Variants in CYFIP2 observed in about 807,000 individuals in gnomAD.
CYFIP2 encodes the protein cytoplasmic FMR1-interacting protein 2.
A neutral mutation model predicts 158.7 loss-of-function variants in CYFIP2; 29 were observed. The ratio of observed to expected loss-of-function variants is 0.18; its 90% CI spans 0.14 to 0.25. The LOEUF is 0.25. Ranked by LOEUF, CYFIP2 falls within the 10% of genes least tolerant of loss-of-function variation. The pLI is 1.00. For synonymous variants in CYFIP2, 585 were observed against 617.6 expected (o/e 0.95, Z 0.78); for missense variants, 852 against 1,639.5 (o/e 0.52, Z 8.29).
Position 157,390,885 on chromosome 5 carries a change from AG to A in CYFIP2, c.3594+220del, listed in dbSNP as rs1324814501. On this transcript the variant is annotated intron_variant, in intron 30 of 30. Coordinates refer to ENST00000620254, the MANE Select transcript of CYFIP2 (RefSeq NM_001037333.3). ...CATGAATCAGTTCACCCCGAAGGGCAGGGCTGGGCTCCAGACCGGGAGCACA... is the reference window on the plus strand; with the variant it reads ...CATGAATCAGTTCACCCCGAAGGGCAGGCTGGGCTCCAGACCGGGAGCACA... Among the ~76,000 whole-genome samples, 7 of 152,292 alleles carry A rather than the reference AG, an allele frequency of 4.6e-5. No homozygotes were observed. In the East Asian group the frequency reaches 1.4e-3, roughly 29 times the overall value.
intron 3 of CYFIP2, among the ~76,000 whole-genome samples, chr5:157,292,798 G>A (rs1413887076): frequency 1.3e-5 from 2 of 148,684 alleles, no homozygotes; most frequent in Admixed American, 7.0e-5. Flanking sequence ...TAACTCTGTG[G>A]TTAACGTGTT....
chr5:157,306,427 C>A (rs2113907163), intron 8 of CYFIP2, among the ~76,000 whole-genome samples: 1 of 152,300 alleles, frequency 6.6e-6, no homozygotes, highest in Non-Finnish European at 1.5e-5. Context: ...TTCTCCAGCC[C>A]CCCATACCCG....
chr5:157,289,024 T>A (rs886103176), intron 3 of CYFIP2, among the ~76,000 whole-genome samples: 1 of 152,218 alleles, frequency 6.6e-6, no homozygotes, highest in African/African-American at 2.4e-5. Flanking sequence ...TGGAGCTTTA[T>A]AACAGCCCTG....
chr5:157,325,897 A>G, intron 17 of CYFIP2: 1 of 539,954 alleles, frequency 1.9e-6, no homozygotes. Flanking sequence ...TCATCTCAGG[A>G]GCAGGTAGCT....
In CYFIP2 at chr5:157,393,050, G is replaced by C; in HGVS notation, c.*50G>C. 6.3e-7 allele frequency: 1 copy of C among 1,595,570 alleles called. No individual in the cohort carries two copies. ...CTGGAGGAGGAAGAGAAGCAGGAGA[G>C]AGAAAGCCACAGCCAGCCTGCCATA... On this transcript the variant is annotated 3_prime_UTR_variant, in exon 31 of 31. Coordinates refer to ENST00000620254, the MANE Select transcript of CYFIP2 (RefSeq NM_001037333.3).
chr5:157,293,853 G>A (rs532329320), intron 3 of CYFIP2, among the ~76,000 whole-genome samples: 5 of 152,078 alleles, frequency 3.3e-5, no homozygotes, highest in Non-Finnish European at 7.4e-5. Context: ...AGGATAGTTT[G>A]GTGGGCATGG....
At chr5:157,322,541 G>C (rs1044100150) in intron 15 of CYFIP2, among the ~76,000 whole-genome samples, 1 of 152,230 alleles carries the variant, frequency 6.6e-6, no homozygotes, top group Non-Finnish European at 1.5e-5. Flanking sequence ...AGGCCGTCAT[G>C]AGAAGAGTGC....
intron 23 of CYFIP2, chr5:157,341,784 G>A (rs1381387819): frequency 6.4e-6 from 1 of 155,190 alleles, no homozygotes; most frequent in Non-Finnish European, 1.4e-5. Flanking sequence ...GGGATTTTGT[G>A]CTCTATAGAT....
chr5:157,367,859 A>G (rs764892762), intron 26 of CYFIP2, among the ~76,000 whole-genome samples: 1 of 151,214 alleles, frequency 6.6e-6, no homozygotes, highest in Non-Finnish European at 1.5e-5. Context: ...GGTTCAAGCA[A>G]TTCTCCTGCC....
chr5:157,381,313 T>C (rs1000000193), intron 26 of CYFIP2, among the ~76,000 whole-genome samples: 4 of 151,750 alleles, frequency 2.6e-5, no homozygotes, highest in Non-Finnish European at 5.9e-5. Context: ...CATATCATTA[T>C]TGTACATGTT....
intron 29 of CYFIP2, among the ~76,000 whole-genome samples, chr5:157,389,929 C>T (rs1767102229): frequency 6.6e-6 from 1 of 152,180 alleles, no homozygotes; most frequent in South Asian, 2.1e-4. Flanking sequence ...TGCTTGAGGA[C>T]AAAAGAGACA....
chr5:157,355,318 G>A (rs1033879067), intron 23 of CYFIP2, among the ~76,000 whole-genome samples: 2 of 152,040 alleles, frequency 1.3e-5, no homozygotes, highest in Non-Finnish European at 2.9e-5. Context: ...GGGGAAATTC[G>A]ACCAGAAAGC....
At chr5:157,389,121 C>A in intron 28 of CYFIP2, 68 bp from the exon 29 acceptor site, 1 of 1,456,162 alleles carries the variant, frequency 6.9e-7, no homozygotes, top group Non-Finnish European at 9.3e-7. Flanking sequence ...GTTCGGGAAT[C>A]TGTGGTGGGA....
chr5:157,309,895 C>T (rs901140733), intron 10 of CYFIP2, 61 bp downstream of exon 10: 31 of 1,469,784 alleles, frequency 2.1e-5, no homozygotes, highest in East Asian at 1.7e-4. Context: ...GGCAGAGAGC[C>T]GAGGGGCCAC....
At chr5:157,324,470 T>C (rs1246533353) in intron 16 of CYFIP2, among the ~76,000 whole-genome samples, 2 of 152,264 alleles carry the variant, frequency 1.3e-5, no homozygotes, top group Non-Finnish European at 2.9e-5. Context: ...AGTCCTGTGT[T>C]CTTCACACTT....
Position 157,333,463 on chromosome 5 carries a change from G to T in CYFIP2, c.2385+17G>T. The T allele has an allele frequency of 1.2e-6, 2 of 1,613,880 alleles. No individual in the cohort carries two copies. The highest frequency in any genetic ancestry group is 1.7e-6 in the Non-Finnish European group (2 of 1,179,826). ...TCCATTGTGGTAAGAGTCTGGGAGC[G>T]TGTGGGATTTCTGCTCTGTGATTTC... On this transcript the variant is annotated intron_variant, in intron 21 of 30. Coordinates refer to ENST00000620254, the MANE Select transcript of CYFIP2 (RefSeq NM_001037333.3).
At chr5:157,352,381 C>T (rs1282838421) in intron 23 of CYFIP2, among the ~76,000 whole-genome samples, 1 of 152,214 alleles carries the variant, frequency 6.6e-6, no homozygotes, top group African/African-American at 2.4e-5. Flanking sequence ...GCTGGGTACA[C>T]ACCTGGATGC....
chr5:157,319,495 A>G (rs1760418268), intron 13 of CYFIP2, among the ~76,000 whole-genome samples: 1 of 152,236 alleles, frequency 6.6e-6, no homozygotes, highest in South Asian at 2.1e-4. Context: ...TGCGAGGATG[A>G]AAATCAGTTG....
intron 23 of CYFIP2, among the ~76,000 whole-genome samples, chr5:157,355,688 A>C (rs1408397274): frequency 6.6e-6 from 1 of 152,218 alleles, no homozygotes; most frequent in East Asian, 1.9e-4. Flanking sequence ...CTCCAGTGAT[A>C]TCCATTAGAA....
Sources: allele counts gnomAD v4.1 joint callset (sites outside exome capture counted in the v4.1 genomes callset), GRCh38; gene constraint gnomAD v4.1.1; transcripts MANE v1.5; gene names NCBI Gene and HGNC (gene_info 2026-07-23, HGNC 2026-07-21).